Variants in EVC2 observed in about 807,000 individuals in gnomAD.
EVC2 encodes limbin.
EVC2 carries 148 observed loss-of-function variants against 149.3 expected under a neutral mutation model. The ratio of observed to expected loss-of-function variants is 0.99; its 90% CI spans 0.87 to 1.14. EVC2 has a LOEUF of 1.14. Ranked by LOEUF, EVC2 falls within the 50% of genes most tolerant of loss-of-function variation. The pLI, the probability that EVC2 is intolerant of heterozygous loss-of-function variation, is 0.00. For synonymous variants in EVC2, 776 were observed against 649.9 expected, an observed-to-expected ratio of 1.19 and a Z score of -2.95; for missense variants, 1,854 against 1,627.3, an observed-to-expected ratio of 1.14 and a Z score of -2.40.
At chr4:5,678,222 G>A (rs926824444) in intron 7 of EVC2, among the ~76,000 whole-genome samples, 2 of 152,114 alleles carry the variant, frequency 1.3e-5, no homozygotes, top group Non-Finnish European at 2.9e-5. Context: ...CTTTCCTTCT[G>A]GGAGTCTGGA....
At chr4:5,668,263 T>G (rs181770629) in intron 7 of EVC2, among the ~76,000 whole-genome samples, 15 of 152,322 alleles carry the variant, frequency 9.8e-5, no homozygotes, top group African/African-American at 3.6e-4. Flanking sequence ...CCTTCTAGAC[T>G]GTCAAAGCTA....
the EVC2 span, among the ~76,000 whole-genome samples, chr4:5,534,824 A>G: frequency 6.7e-6 from 1 of 150,352 alleles, no homozygotes; most frequent in Non-Finnish European, 1.5e-5. Flanking sequence ...GTAGGAAAAA[A>G]AAAAAAAAAA....
intron 9 of EVC2, among the ~76,000 whole-genome samples, chr4:5,647,119 G>GC (rs546580743): frequency 1.3e-3 from 205 of 152,198 alleles, no homozygotes; most frequent in East Asian, 2.5e-3. Context: ...GGAGGAAAAT[G>GC]CCCCCCCAGA....
In EVC2 at chr4:5,614,352, C is replaced by G. The variant is rs1202491715; in HGVS notation, c.2829+1070G>C. On this transcript the variant is annotated intron_variant, in intron 16 of 21. Coordinates refer to ENST00000344408, the MANE Select transcript of EVC2 (RefSeq NM_147127.5). The surrounding 1 kb of genome is among the most constrained non-coding windows in gnomAD (Gnocchi z 4.7). ...ACTGGAGAGCAGGGACCAGGGCTGCCTCAGTCACTGCTGCAACCCCAGAGT... is the reference window on the plus strand; with the variant it reads ...ACTGGAGAGCAGGGACCAGGGCTGCGTCAGTCACTGCTGCAACCCCAGAGT... Among the ~76,000 whole-genome samples, 1 of 152,214 alleles carries G rather than the reference C, an allele frequency of 6.6e-6. No homozygotes were observed. The highest frequency in any genetic ancestry group is 1.5e-5 in the Non-Finnish European group (1 of 68,040).
chr4:5,626,650 G>A (rs1407513934), intron 12 of EVC2, among the ~76,000 whole-genome samples: 1 of 152,178 alleles, frequency 6.6e-6, no homozygotes, highest in African/African-American at 2.4e-5. Flanking sequence ...TTCTTTTTGG[G>A]TGTGCCTGTG....
At chr4:5,649,298 G>A (rs1014734740) in intron 9 of EVC2, among the ~76,000 whole-genome samples, 8 of 152,122 alleles carry the variant, frequency 5.3e-5, no homozygotes, top group Non-Finnish European at 7.3e-5. Context: ...TATGCAAACT[G>A]TACAAGTGAT....
rs1345154090 is a variant in EVC2 at position 5,633,143 on chromosome 4, C to T, written c.1471-1111G>A. On this transcript the variant is annotated intron_variant, in intron 10 of 21. Coordinates refer to ENST00000344408, the MANE Select transcript of EVC2 (RefSeq NM_147127.5). The surrounding 1 kb of genome is among the most constrained non-coding windows in gnomAD (Gnocchi z 4.4). ...CTGCTGGCTTTGAAGAACCAAACAG[C>T]CAGGCTGTAAACTGTCTCCGCAGAA... Among the ~76,000 whole-genome samples, 1 of 152,182 alleles carries T rather than the reference C, an allele frequency of 6.6e-6. No homozygotes were observed. The highest frequency in any genetic ancestry group is 1.5e-5 in the Non-Finnish European group (1 of 68,040).
chr4:5,581,099 G>A (rs970897652), intron 17 of EVC2, among the ~76,000 whole-genome samples: 3 of 152,202 alleles, frequency 2.0e-5, no homozygotes, highest in African/African-American at 7.2e-5. Flanking sequence ...TTCCTGTACA[G>A]CCTGCAGAAT....
At chr4:5,666,488 T>A (rs1256425001) in intron 7 of EVC2, among the ~76,000 whole-genome samples, 3 of 152,216 alleles carry the variant, frequency 2.0e-5, no homozygotes, top group Non-Finnish European at 4.4e-5. Context: ...GAATTAGCAC[T>A]TCCTTGTGTG....
At chr4:5,548,298 C>G (rs1274253041) in intron 21 of EVC2, among the ~76,000 whole-genome samples, 1 of 151,458 alleles carries the variant, frequency 6.6e-6, no homozygotes, top group Non-Finnish European at 1.5e-5. Context: ...CCCCAAAGAT[C>G]CCTCAAAACT....
intron 9 of EVC2, among the ~76,000 whole-genome samples, chr4:5,658,160 G>A (rs983813922): frequency 1.4e-4 from 21 of 152,222 alleles, no homozygotes; most frequent in Middle Eastern, 3.4e-3. Flanking sequence ...GCTAGTGTCC[G>A]GCAAACAAGA....
chr4:5,606,075 C>G (rs368240744), intron 16 of EVC2, among the ~76,000 whole-genome samples: 2 of 152,152 alleles, frequency 1.3e-5, no homozygotes, highest in Non-Finnish European at 1.5e-5. Context: ...GAGAGGAGGA[C>G]GGACCAATAG....
intron 21 of EVC2, among the ~76,000 whole-genome samples, 187 bp downstream of exon 21, chr4:5,565,071 T>G (rs904197941): frequency 2.6e-5 from 4 of 152,254 alleles, no homozygotes; most frequent in Non-Finnish European, 5.9e-5. Flanking sequence ...CTCTCACTGC[T>G]AGCCACAAGC....
In EVC2 at chr4:5,661,620, A is replaced by T. The variant is rs73798105; in HGVS notation, c.1145+1487T>A. Reference sequence around the variant, plus strand: ...TTTTTGGCCAAAACAACGGAAAATTAAAGAAAACATAAAGAAGTCATCTTA... The same window carrying T: ...TTTTTGGCCAAAACAACGGAAAATTTAAGAAAACATAAAGAAGTCATCTTA... On this transcript the variant is annotated intron_variant, in intron 9 of 21. Transcript: ENST00000344408. Among the ~76,000 whole-genome samples the T allele has an allele frequency of 3.1e-3, 479 of 152,396 alleles. 2 individuals carry two copies. Among genetic ancestry groups the T allele is most frequent in the African/African-American group, 0.011 (450 of 41,596 alleles).
chr4:5,565,162 A>ACCTCCTTT, intron 21 of EVC2, 96 bp downstream of exon 21: 1 of 1,149,540 alleles, frequency 8.7e-7, no homozygotes, highest in South Asian at 1.2e-5. Context: ...GTTTGCAGCA[A>ACCTCCTTT]CCTCCTTTCC....
chr4:5,606,001 G>A (rs1202534738), intron 16 of EVC2, among the ~76,000 whole-genome samples: 5 of 152,294 alleles, frequency 3.3e-5, no homozygotes, highest in South Asian at 2.1e-4. Flanking sequence ...ACATGCAGAA[G>A]GAAAGGACTA....
intron 10 of EVC2, among the ~76,000 whole-genome samples, chr4:5,638,395 CA>C (rs201911147): frequency 3.7e-3 from 528 of 141,010 alleles, no homozygotes; most frequent in East Asian, 7.1e-3. Context: ...TCTCAAAAAA[CA>C]AAAAAAAAAA....
chr4:5,673,121 T>C (rs1301149396), intron 7 of EVC2, among the ~76,000 whole-genome samples: 4 of 152,166 alleles, frequency 2.6e-5, no homozygotes, highest in Non-Finnish European at 5.9e-5. Context: ...ACAGTAAATG[T>C]TAGGCTGTGT....
At position 5,565,252 on chromosome 4, in the gene EVC2, C is replaced by G. The variant is rs770944837; in HGVS notation, c.3659+6G>C. 2 of 1,613,546 alleles carry G rather than the reference C, an allele frequency of 1.2e-6. No individual in the cohort carries two copies. Among genetic ancestry groups the G allele is most frequent in the East Asian group, 2.2e-5 (1 of 44,842 alleles). On this transcript the variant is annotated splice_donor_region_variant and intron_variant, in intron 21 of 21. Transcript: ENST00000344408. Reference sequence around the variant, plus strand: ...CCCAGCCACATGAGCAGGTGCCCATCATTACCTCTGCTTTCTCTTGCGGGC... The same window carrying G: ...CCCAGCCACATGAGCAGGTGCCCATGATTACCTCTGCTTTCTCTTGCGGGC...
Sources: gnomAD v4.1 joint callset for allele counts (sites outside exome capture counted in the v4.1 genomes callset) on GRCh38, gnomAD v4.1.1 for gene constraint, Gnocchi (gnomAD v3.1) non-coding constraint, MANE v1.5 for transcripts, NCBI Gene and HGNC (gene_info 2026-07-23, HGNC 2026-07-21) for gene names.